KAZN: variants seen among roughly 807,000 people sequenced by gnomAD.
KAZN encodes the protein kazrin.
KAZN carries 40 observed loss-of-function variants against 87.4 expected under a neutral mutation model. The ratio of observed to expected loss-of-function variants is 0.46; its 90% CI spans 0.36 to 0.60. The LOEUF is 0.60. Ranked by LOEUF, KAZN falls within the 20% of genes least tolerant of loss-of-function variation. The pLI, the probability that KAZN is intolerant of heterozygous loss-of-function variation, is 0.00. For missense variants in KAZN, 898 were observed against 1,073.9 expected, an observed-to-expected ratio of 0.84 and a Z score of 2.29; for synonymous variants, 466 against 458.3, an observed-to-expected ratio of 1.02 and a Z score of -0.22.
At chr1:14,395,258 CAAGA>C (rs1662798707) in intron 2 of KAZN, among the ~76,000 whole-genome samples, 2 of 152,166 alleles carry the variant, frequency 1.3e-5, no homozygotes, top group African/African-American at 4.8e-5. Context: ...TCGAATGAAA[CAAGA>C]AAGAAGTCTG....
intron 2 of KAZN, among the ~76,000 whole-genome samples, chr1:14,470,133 A>G (rs866945089): frequency 1.3e-5 from 2 of 152,256 alleles, no homozygotes; most frequent in Admixed American, 1.3e-4. Flanking sequence ...AGAAATGTCC[A>G]AAGACATACA....
chr1:14,522,600 G>C (rs1268196328), intron 2 of KAZN, among the ~76,000 whole-genome samples: 2 of 152,158 alleles, frequency 1.3e-5, no homozygotes, highest in African/African-American at 4.8e-5. Context: ...CCCGAGAAAA[G>C]AACAAATGCA....
chr1:15,047,009 C>T (rs542914427), intron 4 of KAZN, among the ~76,000 whole-genome samples: 4 of 152,248 alleles, frequency 2.6e-5, no homozygotes, highest in African/African-American at 4.8e-5. Flanking sequence ...ACTCCCACTG[C>T]GTCTGGACAC....
At chr1:14,576,349 G>C (rs187570962) in intron 2 of KAZN, among the ~76,000 whole-genome samples, 96 of 151,590 alleles carry the variant, frequency 6.3e-4, no homozygotes, top group Admixed American at 1.3e-3. Context: ...CAGATAAATA[G>C]ATGGGTAGAT....
At chr1:14,686,385 G>A (rs572356558) in intron 1 of KAZN, among the ~76,000 whole-genome samples, 39 of 152,200 alleles carry the variant, frequency 2.6e-4, no homozygotes, top group South Asian at 4.1e-4. Flanking sequence ...CTTGAAGATC[G>A]TACTGGAATT....
In KAZN at chr1:14,530,640, C is replaced by G. The variant is rs1672157443; in HGVS notation, c.250-68343C>G. ...CCTCCTCCTCTCTCTCTCTCTCGCTCCCTTTCTCACGATGCAATGTGCCTG... is the reference window on the plus strand; with the variant it reads ...CCTCCTCCTCTCTCTCTCTCTCGCTGCCTTTCTCACGATGCAATGTGCCTG... On this transcript the variant is annotated intron_variant, in intron 2 of 16. Transcript: ENST00000636203. Among the ~76,000 whole-genome samples the G allele has an allele frequency of 2.0e-5, 3 of 152,108 alleles. No individual in the cohort carries two copies. In the South Asian group the frequency reaches 6.2e-4, roughly 32 times the overall value.
intron 2 of KAZN, among the ~76,000 whole-genome samples, chr1:14,243,762 G>A (rs900722839): frequency 3.3e-5 from 5 of 152,132 alleles, no homozygotes; most frequent in African/African-American, 4.8e-5. Flanking sequence ...AATTTAAGAT[G>A]GGGGTCTGCA....
chr1:14,430,867 A>G (rs775708529), intron 2 of KAZN, among the ~76,000 whole-genome samples: 4 of 152,222 alleles, frequency 2.6e-5, no homozygotes, highest in Non-Finnish European at 4.4e-5. Flanking sequence ...GCAAAGCCAC[A>G]AAGGCTGGAA....
chr1:14,154,541 A>T (rs1645546501), intron 1 of KAZN, among the ~76,000 whole-genome samples: 1 of 152,152 alleles, frequency 6.6e-6, no homozygotes, highest in African/African-American at 2.4e-5. Flanking sequence ...GTTGAGTAAC[A>T]GTGATGAAAG....
Position 15,066,726 on chromosome 1 carries a change from C to T in KAZN, c.1222+973C>T. On this transcript the variant is annotated intron_variant, in intron 8 of 14. Coordinates refer to ENST00000376030, the MANE Select transcript of KAZN (RefSeq NM_201628.3). The surrounding 1 kb of genome is among the most constrained non-coding windows in gnomAD (Gnocchi z 4.3). ...TGTCTGTTCTGTTACCATGCTGCTA[C>T]CCAACTGTGCAAAGTAGTTTAGGGT... 1.0e-6 allele frequency: 1 copy of T among 985,352 alleles called. No homozygotes were observed. Among genetic ancestry groups the T allele is most frequent in the Non-Finnish European group, 1.2e-6 (1 of 829,934 alleles). 61.0% of individuals were successfully genotyped at this position (985,352 alleles called of 1,614,324 possible).
intron 2 of KAZN, among the ~76,000 whole-genome samples, chr1:14,377,170 C>T (rs1433939402): frequency 1.3e-5 from 2 of 152,200 alleles, no homozygotes; most frequent in South Asian, 2.1e-4. Context: ...AGTTGGCTAG[C>T]TGCTCAGTAT....
At chr1:14,333,728 G>C (rs918329351) in intron 2 of KAZN, among the ~76,000 whole-genome samples, 2 of 152,202 alleles carry the variant, frequency 1.3e-5, no homozygotes, top group Non-Finnish European at 2.9e-5. Context: ...GGCTGGTGGG[G>C]GGTGTCGCTT....
intron 1 of KAZN, among the ~76,000 whole-genome samples, chr1:14,705,070 C>A (rs1642140304): frequency 6.6e-6 from 1 of 152,146 alleles, no homozygotes; most frequent in South Asian, 2.1e-4. Context: ...TCTCCCAGTT[C>A]CGGAGGCTGA....
At chr1:15,049,959 C>T (rs1350862893) in intron 4 of KAZN, among the ~76,000 whole-genome samples, 2 of 151,922 alleles carry the variant, frequency 1.3e-5, no homozygotes, top group Non-Finnish European at 2.9e-5. Context: ...AGGAGGGTTG[C>T]AGTGAGCTGA....
chr1:14,836,177 C>T (rs1473337897), intron 1 of KAZN, among the ~76,000 whole-genome samples: 1 of 152,164 alleles, frequency 6.6e-6, no homozygotes, highest in Non-Finnish European at 1.5e-5. Flanking sequence ...TGCCCACCTC[C>T]CCTCTGGTGC....
At chr1:14,838,978 A>C (rs577239643) in intron 1 of KAZN, among the ~76,000 whole-genome samples, 84 of 152,280 alleles carry the variant, frequency 5.5e-4, no homozygotes, top group Non-Finnish European at 8.5e-4. Flanking sequence ...TGAAGAAAAG[A>C]GAGAAGGGCA....
At chr1:14,420,871 C>T (rs1234582829) in intron 2 of KAZN, among the ~76,000 whole-genome samples, 4 of 152,028 alleles carry the variant, frequency 2.6e-5, no homozygotes, top group Admixed American at 6.5e-5. Flanking sequence ...CCCCGGTTGC[C>T]GCCCGCACCT....
At chr1:13,932,595 A>T (rs1021046759) in intron 1 of KAZN, among the ~76,000 whole-genome samples, 21 of 152,324 alleles carry the variant, frequency 1.4e-4, no homozygotes, top group African/African-American at 5.1e-4. Context: ...TTCTCATAAC[A>T]TCACCATGAG....
intron 2 of KAZN, among the ~76,000 whole-genome samples, chr1:14,540,651 A>G (rs1672754944): frequency 6.6e-6 from 1 of 152,216 alleles, no homozygotes; most frequent in African/African-American, 2.4e-5. Context: ...AACATAAAAA[A>G]GAGTTACCAA....
Sources: gnomAD v4.1 joint callset for allele counts (sites outside exome capture counted in the v4.1 genomes callset) on GRCh38, gnomAD v4.1.1 for gene constraint, Gnocchi (gnomAD v3.1) non-coding constraint, MANE v1.5 for transcripts, NCBI Gene and HGNC (gene_info 2026-07-23, HGNC 2026-07-21) for gene names.